Variants in ATXN1L observed in about 807,000 individuals in gnomAD.
ATXN1L encodes the protein ataxin 1 like, also known as ataxin-1-like.
A neutral mutation model predicts 43.4 loss-of-function variants in ATXN1L; 8 were observed. That is an observed-to-expected ratio of 0.18 (90% confidence interval 0.11 to 0.33). ATXN1L has a LOEUF of 0.33. Among genes scored for constraint, ATXN1L ranks in the 10% least tolerant of loss-of-function variants. ATXN1L has a pLI of 1.00. For missense variants in ATXN1L, 856 were observed against 885.4 expected, an observed-to-expected ratio of 0.97 and a Z score of 0.42; for synonymous variants, 379 against 360.6, an observed-to-expected ratio of 1.05 and a Z score of -0.58.
In ATXN1L at chr16:71,850,687, A is replaced by C; in HGVS notation, c.947A>C (p.Gln316Pro). The change falls in exon 3 of 3, where the codon CAG (glutamine) becomes CCG (proline). Residue 316 changes from glutamine to proline, a missense_variant. By Grantham distance (76) the Gln-to-Pro change is moderately conservative. This residue lies in a region of ATXN1L where 490 missense variants were observed against 449.4 expected (regional missense o/e 1.09). Transcript: ENST00000427980. ...GATGGACAGTTGTTTTCAGGTTCTCAGACTCCACGGGTAGAGGTAGCAGCA... is the reference window on the plus strand; with the variant it reads ...GATGGACAGTTGTTTTCAGGTTCTCCGACTCCACGGGTAGAGGTAGCAGCA... ...VVDGQLFSGS[Q>P]TPRVEVAAPA... is the part of the protein sequence containing the mutation. 1 of 1,551,708 alleles carries C rather than the reference A, an allele frequency of 6.4e-7. No homozygotes were observed. Among genetic ancestry groups the C allele is most frequent in the Non-Finnish European group, 8.7e-7 (1 of 1,146,992 alleles).
chr16:71,848,015 C>T lies in ATXN1L; in HGVS notation c.-174C>T, dbSNP rs750747787. 30 of 455,836 alleles carry T rather than the reference C, an allele frequency of 6.6e-5. No individual in the cohort carries two copies. Among genetic ancestry groups the T allele is most frequent in the South Asian group, 2.9e-4 (19 of 64,550 alleles). 28.2% of individuals were successfully genotyped at this position (455,836 alleles called of 1,614,324 possible). On this transcript the variant is annotated 5_prime_UTR_variant, in exon 2 of 3. Transcript: ENST00000427980. Reference sequence around the variant, plus strand: ...TTCCTGTTTCTATCTTCTAGGCTCCCGAGCCAGCCGGGAGGACACTTACTA... The same window carrying T: ...TTCCTGTTTCTATCTTCTAGGCTCCTGAGCCAGCCGGGAGGACACTTACTA...
Position 71,851,972 on chromosome 16 carries a change from T to C in ATXN1L, c.*162T>C, listed in dbSNP as rs2033508870. On this transcript the variant is annotated 3_prime_UTR_variant, in exon 3 of 3. Transcript: ENST00000427980. The surrounding 1 kb of genome is among the most constrained non-coding windows in gnomAD (Gnocchi z 4.9). ...GTCAGCCTCCCAAGGCAGGATCTGT[T>C]GTTCATTACCCCATGGCATCCTTTC... is the stretch of plus-strand genomic sequence containing the variant. The C allele has an allele frequency of 2.5e-6, 2 of 787,046 alleles. No individual in the cohort carries two copies. Among genetic ancestry groups the C allele is most frequent in the Non-Finnish European group, 3.7e-6 (2 of 543,560 alleles). The allele number at this position is 787,046 out of a possible 1,614,324, so 48.8% of individuals were successfully genotyped here.
At chr16:71,849,399 G>A (rs530887816) in intron 2 of ATXN1L, among the ~76,000 whole-genome samples, 13 of 152,174 alleles carry the variant, frequency 8.5e-5, no homozygotes, top group Non-Finnish European at 7.4e-5. Flanking sequence ...TGGTGAATGC[G>A]TGTCCCTGTA....
In ATXN1L at chr16:71,850,757, G is replaced by A; in HGVS notation, c.1017G>A (p.Arg339=). Residue 339 remains arginine (R), a synonymous_variant, in exon 3 of 3, where the codon CGG becomes CGA. Transcript: ENST00000427980. ...CGGACACTGACCTTGAGGTCCAGCG[G>A]GTGGTTGGCGCTTTAGCTTCTCAGG... is the stretch of plus-strand genomic sequence containing the variant. ...GTPDTDLEVQ[R]VVGALASQDY... 6.4e-7 allele frequency: 1 copy of A among 1,551,674 alleles called. No individual in the cohort carries two copies. Among genetic ancestry groups the A allele is most frequent in the Non-Finnish European group, 8.7e-7 (1 of 1,146,982 alleles).
In ATXN1L at chr16:71,851,841, A is replaced by C. The variant is rs1597110894; in HGVS notation, c.*31A>C. ...TTCCCCAGACCAGGACTGGGGCTTTACCCCAGAGCCTCGCCTCGCCGCCGT... is the reference window on the plus strand; with the variant it reads ...TTCCCCAGACCAGGACTGGGGCTTTCCCCCAGAGCCTCGCCTCGCCGCCGT... On this transcript the variant is annotated 3_prime_UTR_variant, in exon 3 of 3. Coordinates refer to ENST00000427980, the MANE Select transcript of ATXN1L (RefSeq NM_001137675.4). The surrounding 1 kb of genome is among the most constrained non-coding windows in gnomAD (Gnocchi z 4.9). The C allele has an allele frequency of 7.2e-7, 1 of 1,383,244 alleles. No individual in the cohort carries two copies. The allele number at this position is 1,383,244 out of a possible 1,614,324, so 85.7% of individuals were successfully genotyped here. A position where few individuals can be genotyped will look rare whatever the true frequency, so the allele number is the denominator to read the frequency against.
intron 2 of ATXN1L, chr16:71,848,369 A>C (rs1235535598): frequency 4.8e-6 from 1 of 208,650 alleles, no homozygotes; most frequent in Non-Finnish European, 1.0e-5. Context: ...ATGGAACCAG[A>C]ATTTCATGGA....
intron 1 of ATXN1L, 116 bp from the exon 2 acceptor site, chr16:71,847,894 A>G (rs2033459872): frequency 3.2e-6 from 1 of 307,738 alleles, no homozygotes; most frequent in African/African-American, 2.2e-5. Context: ...CCTGTGGAGA[A>G]GAAGATGAGG....
rs965397792 is a variant in ATXN1L, at chr16:71,853,426, G to A, written c.*1616G>A. On this transcript the variant is annotated 3_prime_UTR_variant, in exon 3 of 3. Transcript: ENST00000427980. ...TTTAGACTCTTGAAGGCAACTCAGG[G>A]TATTGTCCACGCAGCTCTCTGGTTA... 1.2e-5 allele frequency: 2 copies of A among 166,940 alleles called. No homozygotes were observed. Among genetic ancestry groups the A allele is most frequent in the African/African-American group, 2.4e-5 (1 of 41,382 alleles). 10.3% of individuals were successfully genotyped at this position (166,940 alleles called of 1,614,324 possible).
Position 71,850,748 on chromosome 16 carries a change from G to C in ATXN1L, c.1008G>C (p.Glu336Asp), listed in dbSNP as rs1423028697. Reference protein sequence around the residue: ...AHRGTPDTDLEVQRVVGALAS... With the variant: ...AHRGTPDTDLDVQRVVGALAS... ...GGGGGACCCCGGACACTGACCTTGAGGTCCAGCGGGTGGTTGGCGCTTTAG... is the reference window on the plus strand; with the variant it reads ...GGGGGACCCCGGACACTGACCTTGACGTCCAGCGGGTGGTTGGCGCTTTAG... Residue 336 changes from glutamate to aspartate, a missense_variant, in exon 3 of 3, where the codon GAG (glutamate) becomes GAC (aspartate). Coordinates refer to ENST00000427980, the MANE Select transcript of ATXN1L (RefSeq NM_001137675.4). The C allele has an allele frequency of 6.4e-7, 1 of 1,551,694 alleles. No individual in the cohort carries two copies. Among genetic ancestry groups the C allele is most frequent in the Admixed American group, 2.0e-5 (1 of 50,998 alleles).
chr16:71,850,126 A>G lies in ATXN1L; in HGVS notation c.386A>G (p.Tyr129Cys). 3.2e-6 allele frequency: 5 copies of G among 1,551,642 alleles called. No individual in the cohort carries two copies. Among genetic ancestry groups the G allele is most frequent in the Non-Finnish European group, 3.5e-6 (4 of 1,146,970 alleles). Residue 129 changes from tyrosine (Y) to cysteine (C), a missense_variant, in exon 3 of 3, where the codon TAT becomes TGT. This residue lies in a region of ATXN1L where 490 missense variants were observed against 449.4 expected (regional missense o/e 1.09). Coordinates refer to ENST00000427980, the MANE Select transcript of ATXN1L (RefSeq NM_001137675.4). Reference protein sequence around the residue: ...HPGIHYPPLHYAQLPSTSLQF... With the variant: ...HPGIHYPPLHCAQLPSTSLQF... ...GGCATCCACTATCCTCCACTCCACTATGCTCAGCTCCCATCCACCTCGCTG... is the reference window on the plus strand; with the variant it reads ...GGCATCCACTATCCTCCACTCCACTGTGCTCAGCTCCCATCCACCTCGCTG...
chr16:71,850,257 C>T lies in ATXN1L; in HGVS notation c.517C>T (p.His173Tyr), dbSNP rs925994399. 9 of 1,551,690 alleles carry T rather than the reference C, an allele frequency of 5.8e-6. No individual in the cohort carries two copies. Among genetic ancestry groups the T allele is most frequent in the Non-Finnish European group, 7.0e-6 (8 of 1,146,986 alleles). ...SANLATSHLP[H>Y]FVPYASLLAE... ...CAACCTTGCCACCTCTCACCTTCCA[C>T]ACTTTGTGCCATATGCCTCACTTCT... is the stretch of plus-strand genomic sequence containing the variant. Residue 173 changes from histidine to tyrosine, a missense_variant, in exon 3 of 3, where the codon CAC (histidine) becomes TAC (tyrosine). His to Tyr is a moderately conservative substitution (Grantham distance 83, BLOSUM62 2). Transcript: ENST00000427980.
chr16:71,850,649 A>G lies in ATXN1L; in HGVS notation c.909A>G (p.Val303=), dbSNP rs2033490971. 6.4e-7 allele frequency: 1 copy of G among 1,551,746 alleles called. No individual in the cohort carries two copies. The highest frequency in any genetic ancestry group is 1.2e-5 in the South Asian group (1 of 84,064). ...AAGGCCAGGGACTGGTGCCAGTGGT[A>G]GAATGTGTGGTGGATGGACAGTTGT... is the stretch of plus-strand genomic sequence containing the variant. The part of the protein sequence containing the change: ...KGEGQGLVPV[V]ECVVDGQLFS... The change falls in exon 3 of 3, where the codon GTA becomes GTG. Residue 303 remains valine (V), a synonymous_variant. Transcript: ENST00000427980.
At position 71,854,665 on chromosome 16, in the gene ATXN1L, C is replaced by T. The variant is rs567446327; in HGVS notation, c.*2855C>T. 2.4e-5 allele frequency: 4 copies of T among 166,966 alleles called. No individual in the cohort carries two copies. Among genetic ancestry groups the T allele is most frequent in the African/African-American group, 7.2e-5 (3 of 41,476 alleles). The allele number at this position is 166,966 out of a possible 1,614,324, so 10.3% of individuals were successfully genotyped here. A position where few individuals can be genotyped will look rare whatever the true frequency, so the allele number is the denominator to read the frequency against. Reference sequence around the variant, plus strand: ...CAGGAGACATGAGAGCAGTTTTTAGCGAGTATTTTAGTGGGAAGTTGCCAA... The same window carrying T: ...CAGGAGACATGAGAGCAGTTTTTAGTGAGTATTTTAGTGGGAAGTTGCCAA... On this transcript the variant is annotated 3_prime_UTR_variant, in exon 3 of 3. Coordinates refer to ENST00000427980, the MANE Select transcript of ATXN1L (RefSeq NM_001137675.4).
In ATXN1L at chr16:71,851,686, C is replaced by A. The variant is rs1384520755; in HGVS notation, c.1946C>A (p.Pro649Gln). 1 of 1,495,686 alleles carries A rather than the reference C, an allele frequency of 6.7e-7. No individual in the cohort carries two copies. The highest frequency in any genetic ancestry group is 8.9e-7 in the Non-Finnish European group (1 of 1,117,728). 92.7% of individuals were successfully genotyped at this position (1,495,686 alleles called of 1,614,324 possible). A position where few individuals can be genotyped will look rare whatever the true frequency, so the allele number is the denominator to read the frequency against. ...QPESGAQACW[P>Q]APSFQRYSMQ... ...GAGTCCGGTGCTCAGGCCTGCTGGC[C>A]AGCCCCGAGCTTCCAAAGATACAGC... The change falls in exon 3 of 3, where the codon CCA becomes CAA. Residue 649 changes from proline (P) to glutamine (Q), a missense_variant. This residue lies in a region of ATXN1L where 185 missense variants were observed against 176.8 expected (regional missense o/e 1.05). Transcript: ENST00000427980. The surrounding 1 kb of genome is among the most constrained non-coding windows in gnomAD (Gnocchi z 4.9).
rs1420511271 is a variant in ATXN1L, at chr16:71,845,992, CT to C, written c.-291del. On this transcript the variant is annotated 5_prime_UTR_variant, in exon 1 of 3. Transcript: ENST00000427980. ...CTTGACGCCATCTCCGGGCGCCCGG[CT>C]GTGGGGGGCGCTGGGTGTGGGGCGG... The C allele has an allele frequency of 2.4e-5, 4 of 163,388 alleles. No homozygotes were observed. Among genetic ancestry groups the C allele is most frequent in the African/African-American group, 9.6e-5 (4 of 41,512 alleles). 10.1% of individuals were successfully genotyped at this position (163,388 alleles called of 1,614,324 possible).
intron 1 of ATXN1L, among the ~76,000 whole-genome samples, chr16:71,847,674 T>C (rs2033457392): frequency 6.6e-6 from 1 of 152,188 alleles, no homozygotes; most frequent in Admixed American, 6.5e-5. Flanking sequence ...TCCATTTTTA[T>C]TTGTGCGTTT....
rs1468009138 is a variant in ATXN1L, at chr16:71,853,684, T to A, written c.*1874T>A. 1 of 166,932 alleles carries A rather than the reference T, an allele frequency of 6.0e-6. No individual in the cohort carries two copies. The highest frequency in any genetic ancestry group is 2.4e-5 in the African/African-American group (1 of 41,426). The allele number at this position is 166,932 out of a possible 1,614,324, so 10.3% of individuals were successfully genotyped here. ...GGGGAAGTTCTGAGAATGGAGTCAT[T>A]CTTAGTGTTCAGGTGCTAAAGGTTG... On this transcript the variant is annotated 3_prime_UTR_variant, in exon 3 of 3. Coordinates refer to ENST00000427980, the MANE Select transcript of ATXN1L (RefSeq NM_001137675.4).
Position 71,852,807 on chromosome 16 carries a change from C to A in ATXN1L, c.*997C>A, listed in dbSNP as rs2033517933. On this transcript the variant is annotated 3_prime_UTR_variant, in exon 3 of 3. Transcript: ENST00000427980. ...CCGCTGCATGGTGTCGTGACCTGGGCCTCATTTGTAGCTGCACTGCCTTTC... is the reference window on the plus strand; with the variant it reads ...CCGCTGCATGGTGTCGTGACCTGGGACTCATTTGTAGCTGCACTGCCTTTC... 3 of 167,278 alleles carry A rather than the reference C, an allele frequency of 1.8e-5. No homozygotes were observed. The allele number at this position is 167,278 out of a possible 1,614,324, so 10.4% of individuals were successfully genotyped here.
intron 1 of ATXN1L, 122 bp downstream of exon 1, chr16:71,846,226 CG>C (rs1415615393): frequency 6.5e-6 from 1 of 154,290 alleles, no homozygotes; most frequent in Non-Finnish European, 1.4e-5. Flanking sequence ...CGTGGACAGA[CG>C]GAGGGGAGAG....
Sources: gnomAD v4.1 joint callset for allele counts (sites outside exome capture counted in the v4.1 genomes callset) on GRCh38, gnomAD v4.1.1 for gene constraint, gnomAD v4.1.1 regional missense constraint, Gnocchi (gnomAD v3.1) non-coding constraint, MANE v1.5 for transcripts, NCBI Gene and HGNC (gene_info 2026-07-23, HGNC 2026-07-21) for gene names.